PVRIG: variants seen among roughly 807,000 people sequenced by gnomAD.
PVRIG encodes the protein transmembrane protein PVRIG.
In PVRIG, 16 loss-of-function variants were observed where a neutral mutation model predicts 21.9. The observed-to-expected ratio is 0.73, with a 90% CI of 0.50 to 1.11. The LOEUF (loss-of-function observed/expected upper bound fraction) is 1.11. Among genes scored for constraint, PVRIG ranks in the 50% most tolerant of loss-of-function variants. The pLI, the probability that PVRIG is intolerant of heterozygous loss-of-function variation, is 0.00. For synonymous variants in PVRIG, 190 were observed against 181.0 expected (o/e 1.05, Z -0.40); for missense variants, 435 against 445.7 (o/e 0.98, Z 0.22).
chr7:100,219,727 G>C, exon 2 of PVRIG: 1 of 641,166 alleles, frequency 1.6e-6, no homozygotes, highest in Non-Finnish European at 2.8e-6. Context: ...AGCCAGGGCT[G>C]GGTTCTCACC....
rs556407047 is a variant in PVRIG at position 100,220,785 on chromosome 7, C to T, written c.622C>T (p.Arg208Cys). The T allele has an allele frequency of 1.3e-5, 21 of 1,606,068 alleles. No individual in the cohort carries two copies. The highest frequency in any genetic ancestry group is 1.1e-4 in the East Asian group (5 of 44,880). Residue 208 changes from arginine to cysteine, a missense_variant, in exon 5 of 6, where the codon CGC becomes TGC. By Grantham distance (180) the Arg-to-Cys change is radical. Coordinates refer to ENST00000317271, the Ensembl canonical transcript of PVRIG. ...CCCTGCCCCTAGGCTCCAGCCGTCC[C>T]GCACCAGCCCCCAGGCACCGAGAGC...
exon 3 of PVRIG, chr7:100,220,156 A>G (rs1259359514): frequency 6.3e-6 from 10 of 1,598,954 alleles, no homozygotes; most frequent in Non-Finnish European, 7.7e-6. Flanking sequence ...GAGGCCACCG[A>G]GCTCTCGTCC....
chr7:100,221,146 C>T, exon 6 of PVRIG: 4 of 1,613,594 alleles, frequency 2.5e-6, no homozygotes, highest in African/African-American at 1.3e-5. Flanking sequence ...AGAATGGACT[C>T]TACGCTCAGG....
At chr7:100,220,594 G>A (rs1803165307) in exon 4 of PVRIG, 1 of 1,611,988 alleles carries the variant, frequency 6.2e-7, no homozygotes, top group Non-Finnish European at 8.5e-7. Flanking sequence ...GGCAGACCTG[G>A]CCGGGATCTT....
In PVRIG at chr7:100,220,921, C is replaced by A. The variant is rs760803550; in HGVS notation, c.658-7C>A. The A allele has an allele frequency of 6.3e-7, 1 of 1,575,510 alleles. No individual in the cohort carries two copies. Among genetic ancestry groups the A allele is most frequent in the Non-Finnish European group, 8.6e-7 (1 of 1,159,150 alleles). On this transcript the variant is annotated splice_polypyrimidine_tract_variant and splice_region_variant and intron_variant, in intron 5 of 5. Coordinates refer to ENST00000317271, the Ensembl canonical transcript of PVRIG. ...CAGACTCACTTGACCCTCCTTCCCC[C>A]GCGCAGGCACCAAGCCAGGCCTCCC... is the stretch of plus-strand genomic sequence containing the variant.
chr7:100,220,063 A>G, intron 2 of PVRIG, 35 bp downstream of exon 1: 1 of 1,603,930 alleles, frequency 6.2e-7, no homozygotes, highest in Non-Finnish European at 8.5e-7. Flanking sequence ...CAGGGGCTGC[A>G]GGGAGGGTGA....
exon 4 of PVRIG, chr7:100,220,597 G>A (rs550494663): frequency 8.7e-6 from 14 of 1,611,906 alleles, no homozygotes; most frequent in African/African-American, 8.0e-5. Context: ...AGACCTGGCC[G>A]GGATCTTGGG....
exon 3 of PVRIG, chr7:100,220,274 A>G (rs745763591): frequency 1.6e-5 from 25 of 1,563,934 alleles, no homozygotes; most frequent in South Asian, 1.4e-4. Flanking sequence ...TGTTGCACCC[A>G]GAACGTGGCA....
chr7:100,220,115 G>A, exon 3 of PVRIG: 1 of 1,600,436 alleles, frequency 6.2e-7, no homozygotes, highest in South Asian at 1.1e-5. Context: ...GTTCCACAGG[G>A]ACCCCGGAGG....
At chr7:100,219,918 C>T (rs2117680954) in exon 2 of PVRIG, 2 of 1,549,658 alleles carry the variant, frequency 1.3e-6, no homozygotes. Flanking sequence ...GCGATGAGAA[C>T]AGAGGCACAG....
chr7:100,220,770 A>G, exon 5 of PVRIG: 1 of 1,605,726 alleles, frequency 6.2e-7, no homozygotes, highest in Non-Finnish European at 8.5e-7. Context: ...CCCTGCCCCT[A>G]GGCTCCAGCC....
chr7:100,220,702 C>T, intron 4 of PVRIG, 29 bp downstream of exon 3: 1 of 1,609,156 alleles, frequency 6.2e-7, no homozygotes. Flanking sequence ...CCACGTCCCC[C>T]TGACACTGGG....
intron 5 of PVRIG, 37 bp downstream of exon 4, chr7:100,220,857 G>A: frequency 6.2e-7 from 1 of 1,600,390 alleles, no homozygotes. Flanking sequence ...GAGGTGACAG[G>A]GGCAGGGGCA....
chr7:100,220,519 C>T lies in PVRIG; in HGVS notation c.470-28C>T, dbSNP rs577557471. 4.8e-5 allele frequency: 77 copies of T among 1,611,046 alleles called. 1 individual carries two copies. Among genetic ancestry groups the T allele is most frequent in the African/African-American group, 1.5e-4 (11 of 74,912 alleles). Reference sequence around the variant, plus strand: ...CAGGGAGGGGCTCGGGAACTGGCCACCCATCTGATTCTTGTCTCCGTGCCC... The same window carrying T: ...CAGGGAGGGGCTCGGGAACTGGCCATCCATCTGATTCTTGTCTCCGTGCCC... On this transcript the variant is annotated intron_variant, in intron 3 of 5. Transcript: ENST00000317271.
At chr7:100,219,595 C>T (rs763194891) in intron 1 of PVRIG, 4 of 440,390 alleles carry the variant, frequency 9.1e-6, no homozygotes, top group Non-Finnish European at 1.6e-5. Context: ...GATTCCTTAG[C>T]TGGGTGAGGG....
At chr7:100,220,204 T>C in exon 3 of PVRIG, 3 of 1,596,684 alleles carry the variant, frequency 1.9e-6, no homozygotes, top group Non-Finnish European at 2.6e-6. Flanking sequence ...TCTGGCTCCA[T>C]CTCCCTGGTG....
intron 3 of PVRIG, 33 bp downstream of exon 2, chr7:100,220,497 G>A: frequency 6.2e-7 from 1 of 1,611,830 alleles, no homozygotes. Context: ...AGGAGGGCAG[G>A]GAGGGGCTCG....
exon 6 of PVRIG, chr7:100,221,288 G>A (rs1803239886): frequency 1.4e-6 from 2 of 1,466,442 alleles, no homozygotes; most frequent in Non-Finnish European, 1.8e-6. Flanking sequence ...CCCCCTCCCA[G>A]GCCTCCTGGG....
At chr7:100,221,306 C>T in exon 6 of PVRIG, 4 of 1,354,436 alleles carry the variant, frequency 3.0e-6, no homozygotes, top group Non-Finnish European at 3.9e-6. Context: ...GGGTGTCACC[C>T]CCTTACTTTA....
Sources: gnomAD v4.1 joint callset for allele counts on GRCh38, gnomAD v4.1.1 for gene constraint, MANE v1.5 for transcripts, NCBI Gene and HGNC (gene_info 2026-07-23, HGNC 2026-07-21) for gene names.